Variants in SYN3 observed in about 807,000 individuals in gnomAD.
SYN3 encodes synapsin III.
A neutral mutation model predicts 65.8 loss-of-function variants in SYN3; 35 were observed. The observed-to-expected ratio is 0.53, with a 90% CI of 0.41 to 0.70. The LOEUF (loss-of-function observed/expected upper bound fraction) is 0.70, where lower values mean the gene tolerates loss of function less well. Ranked by LOEUF, SYN3 falls within the 30% of genes least tolerant of loss-of-function variation. SYN3 has a pLI of 0.00. For missense variants in SYN3, 680 were observed against 749.0 expected, an observed-to-expected ratio of 0.91 and a Z score of 1.08; for synonymous variants, 270 against 292.9, an observed-to-expected ratio of 0.92 and a Z score of 0.80.
At chr22:32,561,697 G>A (rs1302625807) in intron 7 of SYN3, among the ~76,000 whole-genome samples, 2 of 152,184 alleles carry the variant, frequency 1.3e-5, no homozygotes, top group Non-Finnish European at 2.9e-5. Flanking sequence ...AAGGAGAAAC[G>A]GGGCAAGTGT....
intron 7 of SYN3, among the ~76,000 whole-genome samples, chr22:32,594,514 T>C (rs2059171135): frequency 6.6e-6 from 1 of 151,332 alleles, no homozygotes; most frequent in Non-Finnish European, 1.5e-5. Flanking sequence ...TTGGACTGAA[T>C]TTCACTCTTG....
chr22:33,001,014 C>T (rs141106397), intron 2 of SYN3, among the ~76,000 whole-genome samples: 74 of 152,154 alleles, frequency 4.9e-4, no homozygotes, highest in Non-Finnish European at 9.6e-4. Context: ...TTAGGAAGTT[C>T]GTGAAGAATC....
intron 3 of SYN3, among the ~76,000 whole-genome samples, chr22:32,949,056 C>T (rs184790722): frequency 1.4e-3 from 215 of 152,018 alleles, no homozygotes; most frequent in Non-Finnish European, 2.0e-3. Flanking sequence ...ATCTCTAATC[C>T]CAAAATCCAA....
At chr22:32,615,595 C>G (rs934240386) in intron 6 of SYN3, among the ~76,000 whole-genome samples, 1 of 152,080 alleles carries the variant, frequency 6.6e-6, no homozygotes, top group Non-Finnish European at 1.5e-5. Flanking sequence ...AAGGTGGGAA[C>G]GCCACTGCTC....
intron 6 of SYN3, among the ~76,000 whole-genome samples, chr22:32,669,384 C>A (rs1371500839): frequency 6.6e-6 from 1 of 152,164 alleles, no homozygotes; most frequent in Admixed American, 6.5e-5. Context: ...ATGGTCTGTT[C>A]CTGAATTCTC....
intron 6 of SYN3, among the ~76,000 whole-genome samples, chr22:32,843,965 T>A (rs2047988249): frequency 6.6e-6 from 1 of 152,136 alleles, no homozygotes; most frequent in Non-Finnish European, 1.5e-5. Context: ...GTATCTCACC[T>A]GCTAGATAGC....
chr22:32,769,158 C>G (rs2045702889), intron 6 of SYN3, among the ~76,000 whole-genome samples: 1 of 152,122 alleles, frequency 6.6e-6, no homozygotes, highest in Non-Finnish European at 1.5e-5. Flanking sequence ...AAATAAAAAC[C>G]CTTTCTTGAC....
chr22:32,540,984 G>C (rs2058244787), intron 8 of SYN3, among the ~76,000 whole-genome samples: 1 of 152,178 alleles, frequency 6.6e-6, no homozygotes, highest in African/African-American at 2.4e-5. Context: ...ATTGATAATT[G>C]AGTTGGGAGA....
chr22:32,786,379 T>C (rs2145856505), intron 6 of SYN3, among the ~76,000 whole-genome samples: 1 of 151,766 alleles, frequency 6.6e-6, no homozygotes, highest in East Asian at 1.9e-4. Context: ...TGTCTGCAAC[T>C]TATTCTTTTT....
At chr22:32,513,925 A>T in intron 13 of SYN3, 101 bp from the exon 14 acceptor site, 1 of 1,457,002 alleles carries the variant, frequency 6.9e-7, no homozygotes, top group Non-Finnish European at 9.4e-7. Flanking sequence ...TACCCCAATC[A>T]TCATAAGGTT....
At chr22:32,968,888 A>G (rs1011606143) in intron 3 of SYN3, among the ~76,000 whole-genome samples, 2 of 152,222 alleles carry the variant, frequency 1.3e-5, no homozygotes, top group Non-Finnish European at 2.9e-5. Flanking sequence ...ATTAGGACAA[A>G]GTACAGAGCA....
intron 12 of SYN3, among the ~76,000 whole-genome samples, chr22:32,524,415 G>A (rs957453214): frequency 3.3e-5 from 5 of 152,120 alleles, no homozygotes; most frequent in Admixed American, 1.3e-4. Context: ...GAAATCCTAG[G>A]GCCCTTAAGA....
chr22:32,841,097 G>C (rs1304079625), intron 6 of SYN3, among the ~76,000 whole-genome samples: 2 of 152,230 alleles, frequency 1.3e-5, no homozygotes, highest in African/African-American at 4.8e-5. Flanking sequence ...ATCACTCTGT[G>C]TGTGGCACTT....
chr22:32,896,256 A>G (rs1319617774), intron 4 of SYN3, among the ~76,000 whole-genome samples: 2 of 152,122 alleles, frequency 1.3e-5, no homozygotes, highest in African/African-American at 4.8e-5. Flanking sequence ...GCAGTTCGAG[A>G]GCAGCCTGGC....
At chr22:32,792,910 T>A (rs2046353608) in intron 6 of SYN3, among the ~76,000 whole-genome samples, 1 of 152,192 alleles carries the variant, frequency 6.6e-6, no homozygotes, top group South Asian at 2.1e-4. Context: ...GACCCCTGCA[T>A]CTGAATCACA....
At chr22:32,548,206 G>T (rs2146281532) in intron 7 of SYN3, among the ~76,000 whole-genome samples, 1 of 152,232 alleles carries the variant, frequency 6.6e-6, no homozygotes, top group African/African-American at 2.4e-5. Flanking sequence ...GCATATTCCT[G>T]CCTCAGGGCC....
chr22:32,772,940 G>T (rs1468194493), intron 6 of SYN3, among the ~76,000 whole-genome samples: 1 of 152,186 alleles, frequency 6.6e-6, no homozygotes, highest in African/African-American at 2.4e-5. Flanking sequence ...GTAGTAGTTT[G>T]TTACAGCAGC....
chr22:32,617,471 T>C (rs1455175393), intron 6 of SYN3, among the ~76,000 whole-genome samples: 1 of 151,814 alleles, frequency 6.6e-6, no homozygotes, highest in Non-Finnish European at 1.5e-5. Context: ...CACATCTTTT[T>C]TTTTCTTTTT....
At chr22:32,670,194 T>C (rs2060341365) in intron 6 of SYN3, among the ~76,000 whole-genome samples, 1 of 152,238 alleles carries the variant, frequency 6.6e-6, no homozygotes, top group Non-Finnish European at 1.5e-5. Context: ...TTCCATCTTT[T>C]CCCCTAACTT....
Sources: gnomAD v4.1 joint callset for allele counts (sites outside exome capture counted in the v4.1 genomes callset) on GRCh38, gnomAD v4.1.1 for gene constraint, MANE v1.5 for transcripts, NCBI Gene and HGNC (gene_info 2026-07-23, HGNC 2026-07-21) for gene names.